Variants in GRAMD2B observed in about 807,000 individuals in gnomAD.
The protein encoded by GRAMD2B is GRAM domain containing 2B.
In GRAMD2B, 41 loss-of-function variants were observed where a neutral mutation model predicts 59.2. That is an observed-to-expected ratio of 0.69 (90% CI 0.54 to 0.90). GRAMD2B has a LOEUF of 0.90. GRAMD2B is among the 40% of genes least tolerant of loss of function. The pLI, the probability that GRAMD2B is intolerant of heterozygous loss-of-function variation, is 0.00. For synonymous variants in GRAMD2B, 161 were observed against 182.7 expected, an observed-to-expected ratio of 0.88 and a Z score of 0.96; for missense variants, 424 against 500.5, an observed-to-expected ratio of 0.85 and a Z score of 1.46.
chr5:126,487,108 T>C, intron 12 of GRAMD2B, 131 bp downstream of exon 12: 1 of 611,284 alleles, frequency 1.6e-6, no homozygotes, highest in Non-Finnish European at 2.9e-6. Flanking sequence ...GTTAAGTGTA[T>C]ATGTGGAAAG....
intron 8 of GRAMD2B, among the ~76,000 whole-genome samples, chr5:126,481,531 T>A (rs78788073): frequency 6.6e-6 from 1 of 152,126 alleles, no homozygotes; most frequent in Non-Finnish European, 1.5e-5. Context: ...TTGAAAGCGT[T>A]TTCACACAAA....
intron 1 of GRAMD2B, among the ~76,000 whole-genome samples, chr5:126,426,125 T>C (rs1393699044): frequency 6.6e-6 from 1 of 151,984 alleles, no homozygotes; most frequent in Non-Finnish European, 1.5e-5. Context: ...TGTAAACAAT[T>C]ATGATTTGTC....
At chr5:126,397,329 A>G (rs1408667773) in intron 1 of GRAMD2B, among the ~76,000 whole-genome samples, 1 of 152,156 alleles carries the variant, frequency 6.6e-6, no homozygotes, top group Non-Finnish European at 1.5e-5. Context: ...AGCTCAAGCC[A>G]TGCTCCCATC....
rs191622846 is a variant in GRAMD2B, at chr5:126,482,569, C to T, written c.736-894C>T. On this transcript the variant is annotated intron_variant, in intron 8 of 13. Coordinates refer to ENST00000285689, the MANE Select transcript of GRAMD2B (RefSeq NM_023927.4). Reference sequence around the variant, plus strand: ...TAAATGCAATCATGTATGTAAGGAGCTTTGCATACTGCCTGATATGAGATA... The same window carrying T: ...TAAATGCAATCATGTATGTAAGGAGTTTTGCATACTGCCTGATATGAGATA... Among the ~76,000 whole-genome samples, 84 of 152,310 alleles carry T rather than the reference C, an allele frequency of 5.5e-4. 1 individual carries two copies. In the Middle Eastern group the frequency reaches 0.014, roughly 25 times the overall value.
chr5:126,491,148 T>C lies in GRAMD2B; in HGVS notation c.1258-1767T>C, dbSNP rs182477351. On this transcript the variant is annotated intron_variant, in intron 13 of 13. Coordinates refer to ENST00000285689, the MANE Select transcript of GRAMD2B (RefSeq NM_023927.4). ...CTGTAAATTGCTTAATTCTCTCCTTTGTTTTAATTTTGGGTTTTGTGTGTG... is the reference window on the plus strand; with the variant it reads ...CTGTAAATTGCTTAATTCTCTCCTTCGTTTTAATTTTGGGTTTTGTGTGTG... 6.8e-4 allele frequency among the ~76,000 whole-genome samples: 103 copies of C among 152,304 alleles called. No homozygotes were observed. The South Asian group carries it at 7.0e-3, about 10-fold the overall frequency.
At chr5:126,409,226 T>C (rs1041053474) in intron 1 of GRAMD2B, among the ~76,000 whole-genome samples, 1 of 152,196 alleles carries the variant, frequency 6.6e-6, no homozygotes, top group Non-Finnish European at 1.5e-5. Flanking sequence ...CTAGGTCAAA[T>C]AGTATTTCTA....
chr5:126,409,029 T>G (rs1364891153), intron 1 of GRAMD2B, among the ~76,000 whole-genome samples: 1 of 151,806 alleles, frequency 6.6e-6, no homozygotes, highest in Non-Finnish European at 1.5e-5. Context: ...TCATCCTTTT[T>G]TATGGCTGCA....
At chr5:126,466,543 A>C (rs1161828257) in intron 2 of GRAMD2B, among the ~76,000 whole-genome samples, 1 of 151,872 alleles carries the variant, frequency 6.6e-6, no homozygotes, top group Non-Finnish European at 1.5e-5. Context: ...CTCCTCCCTC[A>C]GCCACCCTGG....
At chr5:126,421,343 A>T (rs925211518), upstream of GRAMD2B, among the ~76,000 whole-genome samples, 1 of 152,224 alleles carries the variant, frequency 6.6e-6, no homozygotes, top group Non-Finnish European at 1.5e-5. Context: ...CTGAGATCTG[A>T]GAGTCCTCAT....
At chr5:126,406,164 T>C (rs1758248384) in intron 1 of GRAMD2B, among the ~76,000 whole-genome samples, 1 of 151,904 alleles carries the variant, frequency 6.6e-6, no homozygotes, top group Admixed American at 6.6e-5. Flanking sequence ...ATTCTATTAT[T>C]TTACTAACTC....
intron 1 of GRAMD2B, among the ~76,000 whole-genome samples, chr5:126,372,560 T>G (rs1220743126): frequency 6.6e-6 from 1 of 152,150 alleles, no homozygotes; most frequent in Non-Finnish European, 1.5e-5. Context: ...ATTAAACACT[T>G]TTAAAAAGAA....
chr5:126,422,933 C>T (rs933621997), upstream of GRAMD2B, among the ~76,000 whole-genome samples: 1 of 143,026 alleles, frequency 7.0e-6, no homozygotes, highest in African/African-American at 2.7e-5. Flanking sequence ...CACCCCAGAA[C>T]GATGAAGGGT....
chr5:126,480,570 G>A (rs1172281247), intron 7 of GRAMD2B, 43 bp downstream of exon 7: 4 of 1,605,460 alleles, frequency 2.5e-6, no homozygotes, highest in East Asian at 2.2e-5. Context: ...TCTCTCTTCT[G>A]TATTTCTTAT....
intron 1 of GRAMD2B, among the ~76,000 whole-genome samples, chr5:126,431,494 C>T (rs55641396): frequency 0.064 from 9,679 of 152,220 alleles, 598 homozygotes; most frequent in African/African-American, 0.15. Context: ...CTGAGCCATC[C>T]TGCCAATTCA....
intron 2 of GRAMD2B, chr5:126,466,443 C>T (rs78912140): frequency 0.035 from 22,872 of 657,270 alleles, 450 homozygotes; most frequent in East Asian, 0.13. Context: ...TTTTTTTTTT[C>T]CAGTCGGAGT....
At chr5:126,440,818 C>G (rs1763159529) in intron 1 of GRAMD2B, among the ~76,000 whole-genome samples, 1 of 152,082 alleles carries the variant, frequency 6.6e-6, no homozygotes, top group South Asian at 2.1e-4. Context: ...TAATGAACTA[C>G]ACATTAACAC....
intron 1 of GRAMD2B, among the ~76,000 whole-genome samples, chr5:126,440,479 A>G (rs888639726): frequency 6.6e-6 from 1 of 152,224 alleles, no homozygotes; most frequent in Non-Finnish European, 1.5e-5. Context: ...AGGAAATCCA[A>G]ATATATCTGG....
At chr5:126,366,322 G>C (rs1393724777), upstream of GRAMD2B, among the ~76,000 whole-genome samples, 1 of 152,200 alleles carries the variant, frequency 6.6e-6, no homozygotes, top group Non-Finnish European at 1.5e-5. Context: ...GACTGTCAAT[G>C]CTTGCCCTCC....
rs1284063939 is a variant in GRAMD2B, at chr5:126,436,310, T to C, written c.83+12621T>C. On this transcript the variant is annotated intron_variant, in intron 1 of 13. Transcript: ENST00000285689. ...GAGGACCTACTATTTTTAGACATTA[T>C]ACTGTGTTATAGTTATTAGCATGTA... Among the ~76,000 whole-genome samples the C allele has an allele frequency of 4.6e-5, 7 of 152,350 alleles. No homozygotes were observed. The East Asian group carries it at 1.3e-3, about 29-fold the overall frequency.
Sources: allele counts gnomAD v4.1 joint callset (sites outside exome capture counted in the v4.1 genomes callset), GRCh38; gene constraint gnomAD v4.1.1; transcripts MANE v1.5; gene names NCBI Gene and HGNC (gene_info 2026-07-23, HGNC 2026-07-21).